Variants in STXBP3 observed in about 807,000 individuals in gnomAD.
STXBP3 encodes the protein syntaxin-binding protein 3.
In STXBP3, 41 loss-of-function variants were observed where a neutral mutation model predicts 85.7. The observed-to-expected ratio is 0.48, with a 90% CI of 0.37 to 0.62. The LOEUF (loss-of-function observed/expected upper bound fraction) is 0.62, where lower values mean the gene tolerates loss of function less well. STXBP3 is among the 20% of genes least tolerant of loss of function. STXBP3 has a pLI of 0.00. For missense variants in STXBP3, 563 were observed against 703.1 expected, an observed-to-expected ratio of 0.80 and a Z score of 2.25; for synonymous variants, 229 against 231.7, an observed-to-expected ratio of 0.99 and a Z score of 0.10.
At chr1:108,783,402 A>T (rs1662759003) in intron 11 of STXBP3, among the ~76,000 whole-genome samples, 1 of 152,200 alleles carries the variant, frequency 6.6e-6, no homozygotes. Context: ...CCCTCCTGCC[A>T]GAGGTAAACT....
chr1:108,747,160 AT>A (rs1661807561), intron 1 of STXBP3, among the ~76,000 whole-genome samples: 1 of 29,014 alleles, frequency 3.4e-5, no homozygotes, highest in South Asian at 9.3e-4. Context: ...CCAGTTGGGG[AT>A]GTCTCTCCAT....
intron 3 of STXBP3, among the ~76,000 whole-genome samples, chr1:108,753,395 T>A (rs1331296294): frequency 7.5e-6 from 1 of 133,504 alleles, no homozygotes; most frequent in Non-Finnish European, 1.7e-5. Context: ...AATGTTTTAC[T>A]CATATATACA....
At chr1:108,804,289 C>CAG (rs1211025981) in intron 17 of STXBP3, among the ~76,000 whole-genome samples, 1 of 152,054 alleles carries the variant, frequency 6.6e-6, no homozygotes, top group Non-Finnish European at 1.5e-5. Flanking sequence ...CACTGTGTCT[C>CAG]ATCTGCTGTA....
At chr1:108,759,863 T>C in intron 5 of STXBP3, 122 bp from the exon 6 acceptor site, 1 of 622,272 alleles carries the variant, frequency 1.6e-6, no homozygotes, top group South Asian at 2.1e-5. Flanking sequence ...ATATTATTTA[T>C]GTCCTCATAA....
intron 11 of STXBP3, among the ~76,000 whole-genome samples, chr1:108,786,041 C>T (rs551856280): frequency 6.6e-6 from 1 of 152,336 alleles, no homozygotes; most frequent in South Asian, 2.1e-4. Flanking sequence ...AAAGTTTCTT[C>T]CACATTTTCA....
intron 7 of STXBP3, 105 bp downstream of exon 7, chr1:108,772,924 T>C: frequency 8.9e-7 from 1 of 1,120,376 alleles, no homozygotes; most frequent in East Asian, 3.1e-5. Context: ...AAATTTATTT[T>C]CTTTGTATGA....
chr1:108,773,757 C>A (rs1297515582), intron 7 of STXBP3, among the ~76,000 whole-genome samples: 1 of 152,136 alleles, frequency 6.6e-6, no homozygotes. Flanking sequence ...GGGAGGAAAC[C>A]AGAGTACCAG....
chr1:108,748,725 G>A (rs1355764507), intron 1 of STXBP3, among the ~76,000 whole-genome samples: 3 of 152,116 alleles, frequency 2.0e-5, no homozygotes, highest in South Asian at 2.1e-4. Flanking sequence ...CCAGCTACTC[G>A]GGAGGCTGAA....
chr1:108,781,327 C>G (rs1394122767), intron 9 of STXBP3: 1 of 152,126 alleles, frequency 6.6e-6, no homozygotes, highest in Admixed American at 6.5e-5. Flanking sequence ...ATTTGTAGTT[C>G]AGAGCTAGGA....
rs774994643 is a variant in STXBP3, at chr1:108,759,996, A to C, written c.349A>C (p.Asn117His). 2 of 1,567,232 alleles carry C rather than the reference A, an allele frequency of 1.3e-6. No homozygotes were observed. Among genetic ancestry groups the C allele is most frequent in the Admixed American group, 4.0e-5 (2 of 49,432 alleles). The change falls in exon 6 of 19, where the codon AAT becomes CAT. Residue 117 changes from asparagine (N) to histidine (H), a missense_variant. By Grantham distance (68) the Asn-to-His change is moderately conservative (BLOSUM62 1). Coordinates refer to ENST00000370008, the MANE Select transcript of STXBP3 (RefSeq NM_007269.4). ...TTTTTTCCCCTCAGTTTGCCCTGAT[A>C]ATCTCTTTAACAAAATTAAGGCTTC... ...YIYFTDFCPD[N>H]LFNKIKASCS...
At chr1:108,800,636 TG>T (rs1403170655) in intron 17 of STXBP3, among the ~76,000 whole-genome samples, 1 of 152,220 alleles carries the variant, frequency 6.6e-6, no homozygotes, top group Non-Finnish European at 1.5e-5. Flanking sequence ...CATACCCTTA[TG>T]CCCAGTGCCC....
chr1:108,750,666 G>A (rs1661880854), intron 1 of STXBP3, among the ~76,000 whole-genome samples: 1 of 152,168 alleles, frequency 6.6e-6, no homozygotes, highest in Non-Finnish European at 1.5e-5. Flanking sequence ...GAACTAGTTA[G>A]CTAGGAACAC....
chr1:108,779,542 C>T, intron 9 of STXBP3, 132 bp downstream of exon 9: 1 of 924,720 alleles, frequency 1.1e-6, no homozygotes, highest in Non-Finnish European at 1.5e-6. Flanking sequence ...TTATCCTTCT[C>T]TTATTCCTAC....
At chr1:108,771,494 TAA>T (rs1205504696) in intron 6 of STXBP3, among the ~76,000 whole-genome samples, 4 of 104,520 alleles carry the variant, frequency 3.8e-5, no homozygotes, top group Non-Finnish European at 7.0e-5. Context: ...ATATCATATA[TAA>T]ATATATATGA....
Position 108,793,656 on chromosome 1 carries a change from T to G in STXBP3, c.1029+9T>G, listed in dbSNP as rs759520612. On this transcript the variant is annotated intron_variant, in intron 12 of 18. Transcript: ENST00000370008. ...GAAAACAGATTACTAAGGTAAGCAG[T>G]ATTGTATATGAGATACCTGATTAGT... 5 of 1,606,558 alleles carry G rather than the reference T, an allele frequency of 3.1e-6. No homozygotes were observed. Among genetic ancestry groups the G allele is most frequent in the Non-Finnish European group, 4.3e-6 (5 of 1,174,288 alleles).
chr1:108,753,511 A>G (rs575642748), intron 3 of STXBP3, among the ~76,000 whole-genome samples: 4 of 152,098 alleles, frequency 2.6e-5, no homozygotes, highest in Non-Finnish European at 4.4e-5. Context: ...ATCAAGATTT[A>G]TGTCATAAAA....
At chr1:108,804,072 G>A (rs1317656895) in intron 17 of STXBP3, among the ~76,000 whole-genome samples, 1 of 151,684 alleles carries the variant, frequency 6.6e-6, no homozygotes, top group Non-Finnish European at 1.5e-5. Flanking sequence ...TTCTTTCTTT[G>A]GAATTCATTT....
chr1:108,798,009 G>A, intron 15 of STXBP3, 136 bp from the exon 16 acceptor site: 1 of 668,492 alleles, frequency 1.5e-6, no homozygotes, highest in Non-Finnish European at 2.5e-6. Context: ...TTTAAAATAG[G>A]CATCTCCACT....
Position 108,809,000 on chromosome 1 carries a change from A to G in STXBP3, c.*123A>G, listed in dbSNP as rs553856266. The G allele has an allele frequency of 2.7e-4, 175 of 647,680 alleles. 2 individuals are homozygous for G. In the South Asian group the frequency reaches 3.6e-3, roughly 13 times the overall value. 40.1% of individuals were successfully genotyped at this position (647,680 alleles called of 1,614,324 possible). A position where few individuals can be genotyped will look rare whatever the true frequency, so the allele number is the denominator to read the frequency against. The stretch of plus-strand genomic sequence containing the variant: ...TATGGAATAATGGCTTTTCAAATAC[A>G]TTTCTTAAGGAACTGTTTATGATTA... On this transcript the variant is annotated 3_prime_UTR_variant, in exon 19 of 19. Coordinates refer to ENST00000370008, the MANE Select transcript of STXBP3 (RefSeq NM_007269.4).
Sources: gnomAD v4.1 joint callset for allele counts (sites outside exome capture counted in the v4.1 genomes callset) on GRCh38, gnomAD v4.1.1 for gene constraint, MANE v1.5 for transcripts, NCBI Gene and HGNC (gene_info 2026-07-23, HGNC 2026-07-21) for gene names.